Variants in SYT14 observed in about 807,000 individuals in gnomAD.
The protein encoded by SYT14 is synaptotagmin-14.
Under a neutral mutation model 74.2 loss-of-function variants are expected in SYT14, and 32 were observed. That is an observed-to-expected ratio of 0.43 (90% CI 0.33 to 0.58). The LOEUF (loss-of-function observed/expected upper bound fraction) is 0.58. Among genes scored for constraint, SYT14 ranks in the 20% least tolerant of loss-of-function variants. SYT14 has a pLI of 0.05. For synonymous variants in SYT14, 298 were observed against 337.7 expected, an observed-to-expected ratio of 0.88 and a Z score of 1.29; for missense variants, 791 against 981.8, an observed-to-expected ratio of 0.81 and a Z score of 2.60.
intron 4 of SYT14, among the ~76,000 whole-genome samples, chr1:210,018,374 C>T (rs1026176073): frequency 1.3e-5 from 2 of 152,100 alleles, no homozygotes; most frequent in Non-Finnish European, 2.9e-5. Flanking sequence ...ACCTCGTGAT[C>T]CACCCGCCTC....
chr1:210,020,545 C>T (rs187791216), intron 4 of SYT14, among the ~76,000 whole-genome samples: 1 of 152,156 alleles, frequency 6.6e-6, no homozygotes, highest in Non-Finnish European at 1.5e-5. Context: ...ACTGCTAGCA[C>T]TGAGCATTAT....
intron 5 of SYT14, among the ~76,000 whole-genome samples, chr1:210,021,834 G>T (rs1165958803): frequency 6.6e-6 from 1 of 152,176 alleles, no homozygotes; most frequent in African/African-American, 2.4e-5. Flanking sequence ...TCAGTAATTT[G>T]AAGGATTATT....
At chr1:210,103,207 A>T (rs1260222185) in intron 7 of SYT14, among the ~76,000 whole-genome samples, 1 of 152,076 alleles carries the variant, frequency 6.6e-6, no homozygotes, top group African/African-American at 2.4e-5. Context: ...ATGTCACCAA[A>T]ATGACTTTCT....
At chr1:210,167,952 C>G (rs1380675395) in exon 10 of SYT14, 1 of 152,078 alleles carries the variant, frequency 6.6e-6, no homozygotes, top group Non-Finnish European at 1.5e-5. Context: ...TGACTTTTTT[C>G]TCTTAATCAC....
chr1:210,120,392 G>T (rs2082436797), intron 7 of SYT14, among the ~76,000 whole-genome samples: 1 of 150,206 alleles, frequency 6.7e-6, no homozygotes, highest in South Asian at 2.1e-4. Flanking sequence ...TTGAGATAGG[G>T]TCACTCTGTT....
At chr1:210,148,304 C>T (rs147489293) in intron 7 of SYT14, among the ~76,000 whole-genome samples, 5,682 of 152,106 alleles carry the variant, frequency 0.037, 626 homozygotes, top group East Asian at 0.23. Flanking sequence ...GTCAGGAGAT[C>T]AAGACCATCC....
intron 5 of SYT14, among the ~76,000 whole-genome samples, chr1:210,026,642 A>T (rs1340327518): frequency 1.3e-5 from 2 of 148,834 alleles, no homozygotes; most frequent in African/African-American, 2.5e-5. Flanking sequence ...ACACACACAC[A>T]CTCACCCCTA....
intron 2 of SYT14, among the ~76,000 whole-genome samples, chr1:209,979,467 G>A (rs933542070): frequency 1.3e-5 from 2 of 151,982 alleles, no homozygotes; most frequent in Admixed American, 1.3e-4. Flanking sequence ...TTTAAGTTTA[G>A]GGGTACATTT....
At chr1:210,030,489 G>A (rs369880289) in intron 5 of SYT14, among the ~76,000 whole-genome samples, 2 of 152,076 alleles carry the variant, frequency 1.3e-5, no homozygotes, top group South Asian at 4.1e-4. Flanking sequence ...TTTTTCTAAG[G>A]TGGAATCTTT....
chr1:210,164,035 G>A, exon 10 of SYT14: 1 of 453,066 alleles, frequency 2.2e-6, no homozygotes, highest in Non-Finnish European at 4.4e-6. Context: ...GGAATTATGG[G>A]GTTTATTTTT....
At position 210,137,681 on chromosome 1, in the gene SYT14, CT is replaced by C. The variant is rs397717067; in HGVS notation, c.2035-18024del. On this transcript the variant is annotated intron_variant, in intron 7 of 9. Transcript: ENST00000637265. ...TTCTGGAAATGTTTGCTTCAAATTTCTTTTTTTTTTTTTTTTGAAATGGAGT... is the reference window on the plus strand; with the variant it reads ...TTCTGGAAATGTTTGCTTCAAATTTCTTTTTTTTTTTTTTTGAAATGGAGT... 6.9e-3 allele frequency among the ~76,000 whole-genome samples: 932 copies of C among 135,370 alleles called. 8 individuals are homozygous for C. The highest frequency in any genetic ancestry group is 0.021 in the African/African-American group (763 of 36,228). 88.8% of individuals were successfully genotyped at this position (135,370 alleles called of 152,430 possible).
intron 5 of SYT14, among the ~76,000 whole-genome samples, chr1:210,074,748 C>T (rs1171389621): frequency 6.6e-6 from 1 of 152,132 alleles, no homozygotes; most frequent in Admixed American, 6.5e-5. Context: ...TTCAGTGCCC[C>T]GCTACTCAAA....
chr1:209,946,847 A>C (rs2078830685), intron 1 of SYT14, among the ~76,000 whole-genome samples: 1 of 152,218 alleles, frequency 6.6e-6, no homozygotes, highest in South Asian at 2.1e-4. Flanking sequence ...TTCAAAGGAC[A>C]GGCTGACTCT....
intron 2 of SYT14, among the ~76,000 whole-genome samples, chr1:209,981,449 T>TC (rs2079483805): frequency 1.0e-5 from 1 of 99,404 alleles, no homozygotes; most frequent in Non-Finnish European, 2.1e-5. Context: ...CTTTTTCTTT[T>TC]CTTTTTTTTT....
chr1:210,045,520 G>T (rs1036902106), intron 5 of SYT14, among the ~76,000 whole-genome samples: 3 of 152,130 alleles, frequency 2.0e-5, no homozygotes, highest in African/African-American at 7.2e-5. Flanking sequence ...TAGCGGTTTT[G>T]AAGGAATATT....
At chr1:210,127,843 T>TGG (rs952742758) in intron 7 of SYT14, among the ~76,000 whole-genome samples, 5 of 150,378 alleles carry the variant, frequency 3.3e-5, no homozygotes, top group Non-Finnish European at 5.9e-5. Flanking sequence ...CTGGCCAACA[T>TGG]GGTGAAACCT....
chr1:210,152,010 A>G (rs2083174459), intron 7 of SYT14, among the ~76,000 whole-genome samples: 1 of 152,216 alleles, frequency 6.6e-6, no homozygotes, highest in East Asian at 1.9e-4. Context: ...GTATCTCACA[A>G]TATTCTAACA....
intron 5 of SYT14, among the ~76,000 whole-genome samples, chr1:210,063,426 A>G (rs1368231598): frequency 2.0e-5 from 3 of 151,818 alleles, no homozygotes; most frequent in African/African-American, 7.2e-5. Flanking sequence ...TAATTTCTCT[A>G]TGACAGTGTC....
intron 2 of SYT14, among the ~76,000 whole-genome samples, chr1:209,992,932 C>T (rs2079719465): frequency 6.6e-6 from 1 of 152,116 alleles, no homozygotes; most frequent in African/African-American, 2.4e-5. Flanking sequence ...AGGACTAGTT[C>T]CTGGCCCTTA....
Sources: gnomAD v4.1 joint callset for allele counts (sites outside exome capture counted in the v4.1 genomes callset) on GRCh38, gnomAD v4.1.1 for gene constraint, MANE v1.5 for transcripts, NCBI Gene and HGNC (gene_info 2026-07-23, HGNC 2026-07-21) for gene names.